The following CNTNAP4 variants were observed in gnomAD, a reference collection of about 807,000 sequenced individuals.
CNTNAP4 encodes contactin associated protein family member 4.
A neutral mutation model predicts 148.4 loss-of-function variants in CNTNAP4; 98 were observed. The observed-to-expected ratio is 0.66, with a 90% CI of 0.56 to 0.78. CNTNAP4 has a LOEUF of 0.78. Among genes scored for constraint, CNTNAP4 ranks in the 30% least tolerant of loss-of-function variants. The probability of loss-of-function intolerance (pLI) is 0.00; values close to 1 mark genes in which losing one functional copy is unlikely to be tolerated. For synonymous variants in CNTNAP4, 730 were observed against 565.1 expected (o/e 1.29, Z -4.14); for missense variants, 1,935 against 1,565.6 (o/e 1.24, Z -3.98).
intron 2 of CNTNAP4, among the ~76,000 whole-genome samples, chr16:76,348,002 A>G (rs989622861): frequency 1.3e-5 from 2 of 152,128 alleles, no homozygotes; most frequent in African/African-American, 2.4e-5. Flanking sequence ...CAGTGGGCAC[A>G]GGAAGAAAGA....
At chr16:76,476,455 G>A (rs566564479) in intron 11 of CNTNAP4, among the ~76,000 whole-genome samples, 8 of 152,148 alleles carry the variant, frequency 5.3e-5, no homozygotes, top group African/African-American at 1.9e-4. Flanking sequence ...GTTGGAGTGG[G>A]TTGGGGTGGT....
At chr16:76,309,883 A>G (rs1341349986) in intron 1 of CNTNAP4, 2 of 701,608 alleles carry the variant, frequency 2.9e-6, no homozygotes, top group Admixed American at 2.0e-5. Flanking sequence ...CATGATTCTG[A>G]GGCCTTCCCA....
chr16:76,434,701 A>T (rs936869169), intron 4 of CNTNAP4, among the ~76,000 whole-genome samples: 1 of 152,192 alleles, frequency 6.6e-6, no homozygotes, highest in Non-Finnish European at 1.5e-5. Context: ...AGGCAGCTCT[A>T]AGGGCTTCCA....
intron 1 of CNTNAP4, among the ~76,000 whole-genome samples, chr16:76,298,629 C>G (rs913306211): frequency 6.6e-6 from 1 of 151,692 alleles, no homozygotes; most frequent in African/African-American, 2.4e-5. Context: ...AGAAAGCCAA[C>G]AAGTGGAGTA....
intron 1 of CNTNAP4, among the ~76,000 whole-genome samples, chr16:76,290,139 C>G (rs538692571): frequency 1.7e-4 from 26 of 152,234 alleles, no homozygotes; most frequent in African/African-American, 6.3e-4. Flanking sequence ...GCCTGTGAGA[C>G]AAGTGTTACT....
At chr16:76,466,714 C>A (rs961711909) in intron 9 of CNTNAP4, among the ~76,000 whole-genome samples, 7 of 151,826 alleles carry the variant, frequency 4.6e-5, no homozygotes, top group African/African-American at 1.7e-4. Flanking sequence ...AGAAAAAAAT[C>A]AATATAGATG....
intron 2 of CNTNAP4, among the ~76,000 whole-genome samples, chr16:76,320,815 A>C (rs920406389): frequency 8.5e-5 from 13 of 152,188 alleles, no homozygotes; most frequent in African/African-American, 3.1e-4. Context: ...TACTTGGACA[A>C]CCTTGGAAAT....
In CNTNAP4 at chr16:76,372,364, G is replaced by A. The variant is rs191103274; in HGVS notation, c.390+16853G>A. 2.1e-3 allele frequency among the ~76,000 whole-genome samples: 319 copies of A among 150,676 alleles called. 1 individual carries two copies. Among genetic ancestry groups the A allele is most frequent in the African/African-American group, 7.3e-3 (299 of 41,014 alleles). ...AGAGTTTCACTGTGTTAGCCAGGAT[G>A]GTCTCGATTTCCTGACCTCGTGATC... is the stretch of plus-strand genomic sequence containing the variant. On this transcript the variant is annotated intron_variant, in intron 3 of 23. Coordinates refer to ENST00000611870, the MANE Select transcript of CNTNAP4 (RefSeq NM_033401.5).
chr16:76,325,936 A>C (rs1962926513), intron 2 of CNTNAP4, among the ~76,000 whole-genome samples: 1 of 152,180 alleles, frequency 6.6e-6, no homozygotes, highest in East Asian at 1.9e-4. Context: ...AAATAAAAAA[A>C]ATTAAAATAT....
chr16:76,521,308 G>C lies in CNTNAP4; in HGVS notation c.2534G>C (p.Arg845Pro). ...GIADFIRIEL[R>P]SPTVVTFSFD... Reference sequence around the variant, plus strand: ...GCTGATTTTATACGGATAGAGCTTCGCTGTAAGTCTCCTTTTCCAGAGAAG... The same window carrying C: ...GCTGATTTTATACGGATAGAGCTTCCCTGTAAGTCTCCTTTTCCAGAGAAG... The change falls in exon 16 of 24, where the codon CGC becomes CCC. Residue 845 changes from arginine to proline, a missense_variant and splice_region_variant. Transcript: ENST00000611870. 1 of 1,597,194 alleles carries C rather than the reference G, an allele frequency of 6.3e-7. No individual in the cohort carries two copies. The highest frequency in any genetic ancestry group is 8.5e-7 in the Non-Finnish European group (1 of 1,174,418).
intron 2 of CNTNAP4, among the ~76,000 whole-genome samples, chr16:76,333,606 G>A (rs1019102537): frequency 1.3e-5 from 2 of 151,990 alleles, no homozygotes; most frequent in Admixed American, 6.6e-5. Flanking sequence ...CTCAGGGGCA[G>A]TTTCTATTAA....
At chr16:76,517,441 T>A (rs911284554) in intron 15 of CNTNAP4, among the ~76,000 whole-genome samples, 1 of 152,238 alleles carries the variant, frequency 6.6e-6, no homozygotes, top group Non-Finnish European at 1.5e-5. Context: ...AACATTTTAA[T>A]TAAATCCGTA....
At chr16:76,340,704 C>G (rs527909858) in intron 2 of CNTNAP4, among the ~76,000 whole-genome samples, 1 of 152,216 alleles carries the variant, frequency 6.6e-6, no homozygotes, top group Non-Finnish European at 1.5e-5. Flanking sequence ...CAGAGACTTA[C>G]TTCTGTTTTG....
intron 12 of CNTNAP4, among the ~76,000 whole-genome samples, chr16:76,488,042 T>C (rs918728973): frequency 2.0e-4 from 30 of 152,300 alleles, no homozygotes; most frequent in African/African-American, 7.2e-4. Context: ...GAATAGTTTT[T>C]TTGAACAAAA....
intron 2 of CNTNAP4, among the ~76,000 whole-genome samples, chr16:76,325,324 T>C (rs1269513560): frequency 6.6e-6 from 1 of 152,216 alleles, no homozygotes; most frequent in Non-Finnish European, 1.5e-5. Context: ...TAGTTATTTA[T>C]ATACTCTGTG....
At chr16:76,426,775 C>G (rs1311990189) in intron 3 of CNTNAP4, among the ~76,000 whole-genome samples, 2 of 152,128 alleles carry the variant, frequency 1.3e-5, no homozygotes, top group African/African-American at 4.8e-5. Flanking sequence ...TTTGACTGTG[C>G]TAGCTTAGCA....
intron 14 of CNTNAP4, among the ~76,000 whole-genome samples, 171 bp from the exon 15 acceptor site, chr16:76,498,391 CAAAAT>C (rs905098912): frequency 4.6e-5 from 7 of 152,036 alleles, no homozygotes; most frequent in Admixed American, 6.6e-5. Context: ...GACCCTGTCT[CAAAAT>C]AATAATAATA....
chr16:76,425,629 A>G (rs1387713675), intron 3 of CNTNAP4, among the ~76,000 whole-genome samples: 2 of 152,186 alleles, frequency 1.3e-5, no homozygotes, highest in African/African-American at 4.8e-5. Context: ...GACTGTGATC[A>G]AAAAGGGCCT....
At chr16:76,387,620 A>G (rs773556955) in intron 3 of CNTNAP4, among the ~76,000 whole-genome samples, 3 of 152,236 alleles carry the variant, frequency 2.0e-5, no homozygotes, top group Non-Finnish European at 2.9e-5. Flanking sequence ...CAAAAAAGCA[A>G]TTGCCCTCTG....
Sources: allele counts gnomAD v4.1 joint callset (sites outside exome capture counted in the v4.1 genomes callset), GRCh38; gene constraint gnomAD v4.1.1; transcripts MANE v1.5; gene names NCBI Gene and HGNC (gene_info 2026-07-23, HGNC 2026-07-21).